The following PCIF1 variants were observed in gnomAD, a reference collection of about 807,000 sequenced individuals.
PCIF1 encodes mRNA (2'-O-methyladenosine-N(6)-)-methyltransferase.
PCIF1 carries 12 observed loss-of-function variants against 86.9 expected under a neutral mutation model. The ratio of observed to expected loss-of-function variants is 0.14; its 90% CI spans 0.09 to 0.22. The LOEUF (loss-of-function observed/expected upper bound fraction) is 0.22, where lower values mean the gene tolerates loss of function less well. Among genes scored for constraint, PCIF1 ranks in the 10% least tolerant of loss-of-function variants. The pLI is 1.00. For missense variants in PCIF1, 701 were observed against 951.1 expected, an observed-to-expected ratio of 0.74 and a Z score of 3.46; for synonymous variants, 397 against 372.0, an observed-to-expected ratio of 1.07 and a Z score of -0.77.
Position 45,943,750 on chromosome 20 carries a change from CA to C in PCIF1, c.992del (p.Lys331ArgfsTer71). Reference protein sequence around the residue: ...SWLRKDHSASKEDYMDRLEHL... With the variant: ...SWLRKDHSASXEDYMDRLEHL... ...GGCTTCGGAAGGACCACTCAGCCTC[CA>C]AGGAGGACTACATGGTGAGTGGGTC... On this transcript the variant is annotated frameshift_variant, in exon 10 of 17. Transcript: ENST00000372409. LOFTEE classifies it high-confidence loss of function. This position sits in a 1 kb window ranked among gnomAD's most constrained non-coding sequence, Gnocchi z 5.5. 6.4e-7 allele frequency: 1 copy of C among 1,556,406 alleles called. No homozygotes were observed. Among genetic ancestry groups the C allele is most frequent in the Non-Finnish European group, 8.7e-7 (1 of 1,149,248 alleles).
chr20:45,937,428 A>G lies in PCIF1; in HGVS notation c.-177A>G. ...CTATTTGCTTTCCAGCTGCTGATGC[A>G]AGGAATCCCCTGGGCTCCCGTCCAC... On this transcript the variant is annotated 5_prime_UTR_variant, in exon 2 of 17. Transcript: ENST00000372409. 1 of 399,254 alleles carries G rather than the reference A, an allele frequency of 2.5e-6. No homozygotes were observed. The allele number at this position is 399,254 out of a possible 1,614,324, so 24.7% of individuals were successfully genotyped here.
At chr20:45,934,920 T>C (rs1190638455) in intron 1 of PCIF1, 116 bp downstream of exon 1, 2 of 396,158 alleles carry the variant, frequency 5.0e-6, no homozygotes, top group Non-Finnish European at 8.9e-6. Context: ...GCTTGCCCTG[T>C]CTCTGTTGCC....
intron 1 of PCIF1, among the ~76,000 whole-genome samples, chr20:45,935,356 C>T (rs574443178): frequency 1.5e-3 from 233 of 152,240 alleles, no homozygotes; most frequent in African/African-American, 5.5e-3. Context: ...GACTCGGACT[C>T]TGGCTTCTGG....
chr20:45,938,906 C>T (rs986723866), intron 2 of PCIF1, 75 bp from the exon 3 acceptor site: 1 of 1,563,800 alleles, frequency 6.4e-7, no homozygotes, highest in African/African-American at 1.3e-5. Flanking sequence ...GGTGGGTGGT[C>T]ACTGGGGCCC....
Position 45,944,854 on chromosome 20 carries a change from A to C in PCIF1, c.1006-14A>C, listed in dbSNP as rs911849687. The C allele has an allele frequency of 9.9e-6, 16 of 1,608,530 alleles. No individual in the cohort carries two copies. Among genetic ancestry groups the C allele is most frequent in the Middle Eastern group, 1.7e-4 (1 of 5,816 alleles). The stretch of plus-strand genomic sequence containing the variant: ...GGCCTCCACTAGCGCCCTGATCCAG[A>C]ATGTGTCCTCTAGGATCGCCTGGAG... On this transcript the variant is annotated splice_polypyrimidine_tract_variant and intron_variant, in intron 10 of 16. Transcript: ENST00000372409.
In PCIF1 at chr20:45,943,408, G is replaced by A; in HGVS notation, c.890G>A (p.Arg297Gln). The A allele has an allele frequency of 6.2e-7, 1 of 1,613,282 alleles. No individual in the cohort carries two copies. Among genetic ancestry groups the A allele is most frequent in the Non-Finnish European group, 8.5e-7 (1 of 1,179,886 alleles). ...LLFKYAEAAR[R>Q]LIESRSASPD... ...TTTAAATATGCGGAGGCCGCCAGGC[G>A]GCTCATCGAGTCCAGGTTTGCCTGT... is the stretch of plus-strand genomic sequence containing the variant. Residue 297 changes from arginine to glutamine, a missense_variant, in exon 9 of 17, where the codon CGG (arginine) becomes CAG (glutamine). By Grantham distance (43) the Arg-to-Gln change is conservative (BLOSUM62 1). Transcript: ENST00000372409. This position sits in a 1 kb window ranked among gnomAD's most constrained non-coding sequence, Gnocchi z 5.5.
At chr20:45,942,987 G>T (rs963093282) in intron 7 of PCIF1, 110 bp from the exon 8 acceptor site, 1 of 1,136,640 alleles carries the variant, frequency 8.8e-7, no homozygotes, top group African/African-American at 1.6e-5. Context: ...AGCTTCTGAA[G>T]TGGGACTGTG....
rs62213347 is a variant in PCIF1, at chr20:45,946,019, C to T, written c.1342-10C>T. ...TGCTGAAGGCTCCTCCTCTCTGTCC[C>T]GCTCCACAGTGGCTCCTTTACCGCT... On this transcript the variant is annotated splice_polypyrimidine_tract_variant and intron_variant, in intron 12 of 16. Coordinates refer to ENST00000372409, the MANE Select transcript of PCIF1 (RefSeq NM_022104.4). The T allele has an allele frequency of 0.062, 100,758 of 1,614,000 alleles. 3,644 individuals are homozygous for T. The highest frequency in any genetic ancestry group is 0.075 in the Non-Finnish European group (88,579 of 1,179,912).
rs1354053564 is a variant in PCIF1 at position 45,934,880 on chromosome 20, C to T, written c.-188+76C>T. On this transcript the variant is annotated intron_variant, in intron 1 of 16. Coordinates refer to ENST00000372409, the MANE Select transcript of PCIF1 (RefSeq NM_022104.4). ...GGGATCCGAAGCTGGGGGGCGGCGG[C>T]CCCTCCGGCGCTTTCTGCTCGGGAC... 8 of 397,808 alleles carry T rather than the reference C, an allele frequency of 2.0e-5. No individual in the cohort carries two copies. In the East Asian group the frequency reaches 2.9e-4, roughly 14 times the overall value. The allele number at this position is 397,808 out of a possible 1,614,324, so 24.6% of individuals were successfully genotyped here. A position where few individuals can be genotyped will look rare whatever the true frequency, so the allele number is the denominator to read the frequency against.
chr20:45,945,913 T>C, intron 12 of PCIF1, 30 bp downstream of exon 12: 2 of 1,613,454 alleles, frequency 1.2e-6, no homozygotes, highest in Non-Finnish European at 1.7e-6. Flanking sequence ...AGGCCCTAGC[T>C]GATGGCATGA....
At chr20:45,937,734 T>C (rs1380182741) in intron 2 of PCIF1, 149 bp downstream of exon 2, 4 of 397,064 alleles carry the variant, frequency 1.0e-5, no homozygotes, top group African/African-American at 4.1e-5. Flanking sequence ...ATCAAGGCAC[T>C]TTTTGTTGTA....
rs747303194 is a variant in PCIF1, at chr20:45,944,859, G to C, written c.1006-9G>C. The C allele has an allele frequency of 5.6e-6, 9 of 1,610,532 alleles. No homozygotes were observed. In the South Asian group the frequency reaches 9.9e-5, roughly 18 times the overall value. On this transcript the variant is annotated splice_polypyrimidine_tract_variant and intron_variant, in intron 10 of 16. Coordinates refer to ENST00000372409, the MANE Select transcript of PCIF1 (RefSeq NM_022104.4). The stretch of plus-strand genomic sequence containing the variant: ...CCACTAGCGCCCTGATCCAGAATGT[G>C]TCCTCTAGGATCGCCTGGAGCATCT...
intron 10 of PCIF1, among the ~76,000 whole-genome samples, chr20:45,944,304 C>T (rs750169374): frequency 1.3e-5 from 2 of 152,136 alleles, no homozygotes; most frequent in South Asian, 2.1e-4. Flanking sequence ...GTACTTGACA[C>T]GTAGAGAGTG....
At chr20:45,940,759 G>A in intron 5 of PCIF1, 50 bp from the exon 6 acceptor site, 1 of 1,602,374 alleles carries the variant, frequency 6.2e-7, no homozygotes. Flanking sequence ...ATTGGATGGA[G>A]CCTCTCTGGT....
In PCIF1 at chr20:45,940,477, G is replaced by T; in HGVS notation, c.252G>T (p.Ser84=). ...MPVLGQHDVI[S]DPLGLNATPL... ...CTCTGCTGGTCTCCCTCCACCAGTC[G>T]GACCCTTTGGGGCTGAATGCGACCC... is the stretch of plus-strand genomic sequence containing the variant. The change falls in exon 5 of 17, where the codon TCG becomes TCT. Residue 84 remains serine (S), a splice_region_variant and synonymous_variant. Transcript: ENST00000372409. The T allele has an allele frequency of 1.3e-6, 2 of 1,599,374 alleles. No individual in the cohort carries two copies. The highest frequency in any genetic ancestry group is 1.7e-6 in the Non-Finnish European group (2 of 1,172,172).
chr20:45,936,662 G>T (rs992911994), intron 1 of PCIF1, among the ~76,000 whole-genome samples: 2 of 151,720 alleles, frequency 1.3e-5, no homozygotes, highest in African/African-American at 4.8e-5. Context: ...CCGGCGCAGT[G>T]GCTCACACCT....
intron 14 of PCIF1, among the ~76,000 whole-genome samples, chr20:45,946,641 G>A (rs934757434): frequency 5.3e-5 from 8 of 152,200 alleles, no homozygotes; most frequent in Admixed American, 1.3e-4. Context: ...ATAGGAACAC[G>A]TGGTCCCAGG....
intron 2 of PCIF1, among the ~76,000 whole-genome samples, chr20:45,938,258 T>C (rs530585742): frequency 2.0e-5 from 3 of 152,368 alleles, no homozygotes; most frequent in East Asian, 3.9e-4. Context: ...ATAGTCCTTC[T>C]TGGTTGCATT....
chr20:45,942,277 CCTT>C (rs2083478389), intron 7 of PCIF1, among the ~76,000 whole-genome samples: 1 of 146,328 alleles, frequency 6.8e-6, no homozygotes, highest in Non-Finnish European at 1.5e-5. Context: ...CCCGGCCCAC[CCTT>C]TTTTTTTTTT....
Sources: gnomAD v4.1 joint callset for allele counts (sites outside exome capture counted in the v4.1 genomes callset) on GRCh38, gnomAD v4.1.1 for gene constraint, Gnocchi (gnomAD v3.1) non-coding constraint, MANE v1.5 for transcripts, NCBI Gene and HGNC (gene_info 2026-07-23, HGNC 2026-07-21) for gene names.